ACO1: variants seen among roughly 807,000 people sequenced by gnomAD.
ACO1 encodes the protein aconitase 1, also known as cytoplasmic aconitate hydratase.
ACO1 carries 78 observed loss-of-function variants against 105.1 expected under a neutral mutation model. That is an observed-to-expected ratio of 0.74 (90% confidence interval 0.62 to 0.90). The LOEUF is 0.90. Among genes scored for constraint, ACO1 ranks in the 40% least tolerant of loss-of-function variants. ACO1 has a pLI of 0.00. For synonymous variants in ACO1, 364 were observed against 397.4 expected (o/e 0.92, Z 1.00); for missense variants, 965 against 1,111.1 (o/e 0.87, Z 1.87).
intron 4 of ACO1, among the ~76,000 whole-genome samples, chr9:32,417,385 T>G (rs1821872950): frequency 6.6e-6 from 1 of 152,222 alleles, no homozygotes; most frequent in Non-Finnish European, 1.5e-5. Flanking sequence ...TAGCCTTTCC[T>G]GTGTTCACTC....
chr9:32,406,048 G>T (rs1009054470), intron 2 of ACO1, among the ~76,000 whole-genome samples: 1 of 152,002 alleles, frequency 6.6e-6, no homozygotes, highest in African/African-American at 2.4e-5. Context: ...TTTCCAGATA[G>T]TATTGCTTAG....
intron 19 of ACO1, among the ~76,000 whole-genome samples, chr9:32,445,133 A>G (rs1159735165): frequency 1.3e-5 from 2 of 152,164 alleles, no homozygotes; most frequent in Non-Finnish European, 2.9e-5. Flanking sequence ...TCATAAAATG[A>G]GTTCGGGAGG....
intron 4 of ACO1, among the ~76,000 whole-genome samples, chr9:32,410,958 C>T (rs1350626329): frequency 6.6e-6 from 1 of 152,134 alleles, no homozygotes; most frequent in East Asian, 1.9e-4. Flanking sequence ...AACTCTGTTC[C>T]ATGTGTGTTT....
intron 4 of ACO1, among the ~76,000 whole-genome samples, chr9:32,411,329 T>C (rs1042855993): frequency 6.6e-6 from 1 of 152,180 alleles, no homozygotes; most frequent in Non-Finnish European, 1.5e-5. Flanking sequence ...GTGCTGGAAA[T>C]TGATTAGTGG....
At chr9:32,427,628 C>G (rs1822130641) in intron 12 of ACO1, among the ~76,000 whole-genome samples, 192 bp downstream of exon 12, 1 of 152,156 alleles carries the variant, frequency 6.6e-6, no homozygotes, top group African/African-American at 2.4e-5. Context: ...AGGGCACCTA[C>G]CATGAATGGA....
At chr9:32,417,584 A>G (rs1821878197) in intron 4 of ACO1, among the ~76,000 whole-genome samples, 1 of 152,256 alleles carries the variant, frequency 6.6e-6, no homozygotes, top group Non-Finnish European at 1.5e-5. Context: ...TCTGTGGTTC[A>G]CAGATGTTAT....
intron 19 of ACO1, among the ~76,000 whole-genome samples, chr9:32,444,879 G>T (rs1587557214): frequency 2.6e-5 from 4 of 152,262 alleles, no homozygotes; most frequent in Admixed American, 2.6e-4. Flanking sequence ...TAATCATGTG[G>T]TTTTTGTCTT....
intron 1 of ACO1, among the ~76,000 whole-genome samples, chr9:32,396,649 T>C (rs1005637247): frequency 2.4e-5 from 2 of 84,756 alleles, no homozygotes; most frequent in African/African-American, 7.1e-5. Flanking sequence ...TACTTTCTAC[T>C]GCTTTTGCCC....
chr9:32,443,049 A>G (rs1023740107), intron 19 of ACO1, among the ~76,000 whole-genome samples: 2 of 152,208 alleles, frequency 1.3e-5, no homozygotes, highest in Admixed American at 6.5e-5. Context: ...TCTAACTTAC[A>G]AAGTCTTTTG....
At chr9:32,418,564 G>A (rs1053715202) in intron 6 of ACO1, 53 bp downstream of exon 6, 100 of 1,535,708 alleles carry the variant, frequency 6.5e-5, no homozygotes, top group Non-Finnish European at 8.5e-5. Flanking sequence ...AATTCACTGT[G>A]ATTCTATTAC....
At chr9:32,392,706 C>T (rs1219183198) in intron 1 of ACO1, among the ~76,000 whole-genome samples, 1 of 152,202 alleles carries the variant, frequency 6.6e-6, no homozygotes, top group Admixed American at 6.5e-5. Context: ...TCCTTACCTA[C>T]CCCAGCCCAT....
chr9:32,428,541 A>G (rs1010477554), intron 12 of ACO1, among the ~76,000 whole-genome samples: 10 of 152,088 alleles, frequency 6.6e-5, no homozygotes, highest in Admixed American at 4.6e-4. Context: ...CTAAAAGAAC[A>G]ATAAAAAGTC....
intron 4 of ACO1, among the ~76,000 whole-genome samples, chr9:32,417,576 T>C (rs968970855): frequency 6.6e-6 from 1 of 152,252 alleles, no homozygotes; most frequent in African/African-American, 2.4e-5. Flanking sequence ...GCGTATAATC[T>C]GTGGTTCACA....
At chr9:32,411,447 G>T (rs1301712561) in intron 4 of ACO1, among the ~76,000 whole-genome samples, 3 of 152,138 alleles carry the variant, frequency 2.0e-5, no homozygotes, top group Admixed American at 6.5e-5. Context: ...CGGAAAAAAG[G>T]TATAGATTTA....
intron 12 of ACO1, 138 bp downstream of exon 12, chr9:32,427,574 C>G: frequency 8.1e-7 from 1 of 1,238,872 alleles, no homozygotes. Context: ...GGTAGTTAGA[C>G]TTAAACCCTT....
intron 1 of ACO1, among the ~76,000 whole-genome samples, chr9:32,391,397 C>G (rs1821264614): frequency 6.6e-6 from 1 of 152,182 alleles, no homozygotes; most frequent in African/African-American, 2.4e-5. Flanking sequence ...GGTTCTTGTG[C>G]CCCTTAATGC....
chr9:32,448,684 C>T (rs1822679321), intron 19 of ACO1, among the ~76,000 whole-genome samples: 1 of 152,230 alleles, frequency 6.6e-6, no homozygotes, highest in Non-Finnish European at 1.5e-5. Flanking sequence ...ATGGGCTGCA[C>T]CCACTGTCCA....
chr9:32,413,787 A>C (rs1479366084), intron 4 of ACO1, among the ~76,000 whole-genome samples: 1 of 152,152 alleles, frequency 6.6e-6, no homozygotes, highest in African/African-American at 2.4e-5. Flanking sequence ...TAGAAGTTGA[A>C]GTTCTAATAC....
chr9:32,434,428 A>G, intron 16 of ACO1, 131 bp from the exon 17 acceptor site: 1 of 1,030,344 alleles, frequency 9.7e-7, no homozygotes, highest in Non-Finnish European at 1.4e-6. Context: ...AAACTAGAAC[A>G]CTAGAATTTT....
Sources: gnomAD v4.1 joint callset for allele counts (sites outside exome capture counted in the v4.1 genomes callset) on GRCh38, gnomAD v4.1.1 for gene constraint, MANE v1.5 for transcripts, NCBI Gene and HGNC (gene_info 2026-07-23, HGNC 2026-07-21) for gene names.